Variants in RFPL2 observed in about 807,000 individuals in gnomAD.
RFPL2 encodes ret finger protein-like 2.
RFPL2 carries 13 observed loss-of-function variants against 17.8 expected under a neutral mutation model. The observed-to-expected ratio is 0.73, with a 90% CI of 0.47 to 1.16. RFPL2 has a LOEUF of 1.16. Ranked by LOEUF, RFPL2 falls within the 50% of genes most tolerant of loss-of-function variation. The probability of loss-of-function intolerance (pLI) is 0.00; values close to 1 mark genes in which losing one functional copy is unlikely to be tolerated. For synonymous variants in RFPL2, 189 were observed against 180.9 expected (o/e 1.04, Z -0.36); for missense variants, 431 against 479.3 (o/e 0.90, Z 0.94).
At chr22:32,194,191 G>A (rs1478805875) in intron 3 of RFPL2, among the ~76,000 whole-genome samples, 154 bp downstream of exon 3, 1 of 152,140 alleles carries the variant, frequency 6.6e-6, no homozygotes, top group African/African-American at 2.4e-5. Context: ...CCTAGACTGG[G>A]GATCCAGGGT....
chr22:32,191,002 A>C lies in RFPL2; in HGVS notation c.907T>G (p.Leu303Val). The C allele has an allele frequency of 1.2e-6, 2 of 1,613,428 alleles. No individual in the cohort carries two copies. The highest frequency in any genetic ancestry group is 1.7e-6 in the Non-Finnish European group (2 of 1,179,560). ...PLTFLFVDRK[L>V]QRVGIFLDMG... is the part of the protein sequence containing the mutation. Reference sequence around the variant, plus strand: ...TCCAGAAAAATCCCCACTCGCTGTAACTTGCGGTCTACGAAGAGGAAAGTC... The same window carrying C: ...TCCAGAAAAATCCCCACTCGCTGTACCTTGCGGTCTACGAAGAGGAAAGTC... Residue 303 changes from leucine (L) to valine (V), a missense_variant, in exon 5 of 5, where the codon TTA becomes GTA. Physicochemically the swap from Leu to Val is conservative, Grantham distance 32. Coordinates refer to ENST00000652607, the MANE Select transcript of RFPL2 (RefSeq NM_001394555.1).
intron 3 of RFPL2, among the ~76,000 whole-genome samples, chr22:32,194,045 G>A (rs554159666): frequency 4.2e-4 from 63 of 151,068 alleles, no homozygotes; most frequent in Non-Finnish European, 7.2e-4. Context: ...CAGAGATCAC[G>A]CCAAGTCACT....
rs763493583 is a variant in RFPL2 at position 32,202,354 on chromosome 22, A to G, written c.98T>C (p.Met33Thr). ...TCACCTCAGGCTCCTTATCACCATCATGTCTGCAAAGTCCCAGTGGCCACA... is the reference window on the plus strand; with the variant it reads ...TCACCTCAGGCTCCTTATCACCATCGTGTCTGCAAAGTCCCAGTGGCCACA... The part of the protein sequence containing the change: ...VLCGHWDFAD[M>T]MVIRSLSLIR... The change falls in exon 2 of 5, where the codon ATG (methionine) becomes ACG (threonine). Residue 33 changes from methionine (M) to threonine (T), a missense_variant. Transcript: ENST00000652607. 4.4e-6 allele frequency: 7 copies of G among 1,602,966 alleles called. No homozygotes were observed. The Admixed American group carries it at 1.0e-4, about 23-fold the overall frequency.
chr22:32,195,231 A>G (rs1214367883), intron 2 of RFPL2, among the ~76,000 whole-genome samples: 1 of 152,190 alleles, frequency 6.6e-6, no homozygotes, highest in Non-Finnish European at 1.5e-5. Flanking sequence ...CTTTTTGCGT[A>G]ATTAAAAATA....
At chr22:32,196,566 A>C (rs1386048617) in intron 2 of RFPL2, among the ~76,000 whole-genome samples, 1 of 152,118 alleles carries the variant, frequency 6.6e-6, no homozygotes, top group African/African-American at 2.4e-5. Context: ...ATTCTGGGTC[A>C]CTCCACATCC....
intron 2 of RFPL2, among the ~76,000 whole-genome samples, chr22:32,201,715 G>A (rs1297148370): frequency 2.0e-5 from 3 of 152,220 alleles, no homozygotes; most frequent in Non-Finnish European, 4.4e-5. Context: ...GCTGCTCTCT[G>A]AGAGGAAGGT....
Position 32,191,003 on chromosome 22 carries a change from C to T in RFPL2, c.906G>A (p.Lys302=). 3 of 1,613,474 alleles carry T rather than the reference C, an allele frequency of 1.9e-6. No individual in the cohort carries two copies. The highest frequency in any genetic ancestry group is 2.5e-6 in the Non-Finnish European group (3 of 1,179,560). ...CCAGAAAAATCCCCACTCGCTGTAA[C>T]TTGCGGTCTACGAAGAGGAAAGTCA... ...VPLTFLFVDR[K]LQRVGIFLDM... Residue 302 remains lysine (K), a synonymous_variant, in exon 5 of 5, where the codon AAG becomes AAA. Transcript: ENST00000652607.
intron 1 of RFPL2, among the ~76,000 whole-genome samples, chr22:32,204,004 C>T (rs1175200131): frequency 1.3e-5 from 2 of 150,892 alleles, no homozygotes; most frequent in Non-Finnish European, 3.0e-5. Context: ...AACCCATTCC[C>T]TCTGCCCCTC....
chr22:32,204,764 C>G lies in RFPL2; in HGVS notation c.-157G>C, dbSNP rs143687660. On this transcript the variant is annotated 5_prime_UTR_variant, in exon 1 of 5. Transcript: ENST00000652607. Reference sequence around the variant, plus strand: ...GAAGTGCCTGGAATGGCAAGAACCCCTCCCCCCACAGACCGAGGTTATGCA... The same window carrying G: ...GAAGTGCCTGGAATGGCAAGAACCCGTCCCCCCACAGACCGAGGTTATGCA... Among the ~76,000 whole-genome samples, 2 of 152,250 alleles carry G rather than the reference C, an allele frequency of 1.3e-5. No individual in the cohort carries two copies. The highest frequency in any genetic ancestry group is 4.1e-4 in the South Asian group (2 of 4,834).
rs528719947 is a variant in RFPL2 at position 32,204,833 on chromosome 22, A to T, written c.-226T>A. Among the ~76,000 whole-genome samples, 1 of 151,796 alleles carries T rather than the reference A, an allele frequency of 6.6e-6. No individual in the cohort carries two copies. The highest frequency in any genetic ancestry group is 2.1e-4 in the South Asian group (1 of 4,800). The stretch of plus-strand genomic sequence containing the variant: ...CATGTTCAGATTGGATGAGAGAAAA[A>T]CCTCTAGGTCTACTCTGATTGTGCT... On this transcript the variant is annotated 5_prime_UTR_variant, in exon 1 of 5. Coordinates refer to ENST00000652607, the MANE Select transcript of RFPL2 (RefSeq NM_001394555.1).
chr22:32,196,495 C>A (rs1293293806), intron 2 of RFPL2, among the ~76,000 whole-genome samples: 1 of 152,022 alleles, frequency 6.6e-6, no homozygotes, highest in East Asian at 1.9e-4. Flanking sequence ...GTTAACTTTA[C>A]GTGATTAGAA....
intron 1 of RFPL2, chr22:32,203,414 C>T (rs941127246): frequency 6.6e-6 from 1 of 152,180 alleles, no homozygotes; most frequent in Admixed American, 6.5e-5. Flanking sequence ...ACGCCTCCCG[C>T]CACCGGCGGT....
At chr22:32,194,316 GA>G in intron 3 of RFPL2, 28 bp downstream of exon 3, 1 of 1,591,100 alleles carries the variant, frequency 6.3e-7, no homozygotes. Flanking sequence ...CATCTAAGAG[GA>G]AAAACACACA....
chr22:32,193,862 C>CAAAAAA (rs136481), intron 3 of RFPL2, among the ~76,000 whole-genome samples: 38 of 71,932 alleles, frequency 5.3e-4, no homozygotes, highest in African/African-American at 2.0e-3. Context: ...GACACCATCT[C>CAAAAAA]AAAAAAAAAA....
At chr22:32,202,913 C>T (rs989959909) in intron 1 of RFPL2, 2 of 998,856 alleles carry the variant, frequency 2.0e-6, no homozygotes, top group African/African-American at 1.7e-5. Flanking sequence ...CCCGGGGTCC[C>T]AGGCGGTCTC....
intron 2 of RFPL2, among the ~76,000 whole-genome samples, chr22:32,197,750 T>C (rs541397435): frequency 1.3e-5 from 2 of 152,356 alleles, no homozygotes; most frequent in East Asian, 3.9e-4. Context: ...TCCTTTTTTA[T>C]GGCTGCATAG....
chr22:32,204,283 A>C (rs943623648), intron 1 of RFPL2, among the ~76,000 whole-genome samples: 1 of 150,420 alleles, frequency 6.6e-6, no homozygotes, highest in African/African-American at 2.4e-5. Context: ...GATGTCCCAG[A>C]TAGCGCCCCC....
chr22:32,193,615 T>C (rs1375956567), intron 3 of RFPL2: 51 of 644,572 alleles, frequency 7.9e-5, no homozygotes, highest in Non-Finnish European at 9.7e-5. Flanking sequence ...TCCAGCACTT[T>C]GGGAGGCCAA....
Position 32,202,390 on chromosome 22 carries a change from C to CCTAT in RFPL2, c.61_62insATAG (p.Cys21TyrfsTer32). ...GTCCCAGTGGCCACACAATACAGCACATAGACAGATCCTGGATTGGGACAC... is the reference window on the plus strand; with the variant it reads ...GTCCCAGTGGCCACACAATACAGCACCTATATAGACAGATCCTGGATTGGGACAC... On this transcript the variant is annotated frameshift_variant, in exon 2 of 5. Transcript: ENST00000652607. LOFTEE classifies it high-confidence loss of function. The CCTAT allele has an allele frequency of 6.2e-7, 1 of 1,606,496 alleles. No individual in the cohort carries two copies. The highest frequency in any genetic ancestry group is 8.5e-7 in the Non-Finnish European group (1 of 1,176,634).
Sources: allele counts gnomAD v4.1 joint callset (sites outside exome capture counted in the v4.1 genomes callset), GRCh38; gene constraint gnomAD v4.1.1; transcripts MANE v1.5; gene names NCBI Gene and HGNC (gene_info 2026-07-23, HGNC 2026-07-21).